ATXN10: variants seen among roughly 807,000 people sequenced by gnomAD.
The protein encoded by ATXN10 is ataxin 10.
In ATXN10, 28 loss-of-function variants were observed where a neutral mutation model predicts 52.9. The observed-to-expected ratio is 0.53, with a 90% CI of 0.39 to 0.73. The LOEUF (loss-of-function observed/expected upper bound fraction) is 0.73. ATXN10 is among the 30% of genes least tolerant of loss of function. The probability of loss-of-function intolerance (pLI) is 0.00; values close to 1 mark genes in which losing one functional copy is unlikely to be tolerated. For synonymous variants in ATXN10, 226 were observed against 221.5 expected (o/e 1.02, Z -0.18); for missense variants, 565 against 577.0 (o/e 0.98, Z 0.21).
intron 9 of ATXN10, among the ~76,000 whole-genome samples, chr22:45,745,023 A>G (rs1925674085): frequency 6.6e-6 from 1 of 151,958 alleles, no homozygotes; most frequent in Admixed American, 6.6e-5. Flanking sequence ...TTTGTTCTCG[A>G]CTTGTGTAGT....
chr22:45,793,487 C>T (rs1927590425), intron 9 of ATXN10: 3 of 1,010,516 alleles, frequency 3.0e-6, no homozygotes, highest in Non-Finnish European at 3.8e-6. Flanking sequence ...ATAAATCTCT[C>T]ACTGCTCCTT....
intron 9 of ATXN10, among the ~76,000 whole-genome samples, chr22:45,796,064 A>G (rs1222866777): frequency 1.3e-5 from 2 of 152,244 alleles, no homozygotes; most frequent in East Asian, 3.8e-4. Context: ...CTTCTTTCAG[A>G]AAGTGACTAG....
At chr22:45,735,812 C>CTTTTTT (rs746222703) in intron 7 of ATXN10, among the ~76,000 whole-genome samples, 101 of 65,812 alleles carry the variant, frequency 1.5e-3, no homozygotes, top group Non-Finnish European at 2.0e-3. Flanking sequence ...ATTTGCTTGT[C>CTTTTTT]TTTTTTTTTT....
At chr22:45,709,858 A>G (rs923547611) in intron 5 of ATXN10, among the ~76,000 whole-genome samples, 3 of 152,162 alleles carry the variant, frequency 2.0e-5, no homozygotes, top group African/African-American at 7.2e-5. Flanking sequence ...TCCTTCAGTA[A>G]CTGGTACCAC....
Position 45,742,891 on chromosome 22 carries a change from G to A in ATXN10, c.1173+2353G>A, listed in dbSNP as rs543656418. On this transcript the variant is annotated intron_variant, in intron 9 of 11. Transcript: ENST00000252934. Reference sequence around the variant, plus strand: ...CAAAAGAAAGTTGATAGCGAATAAAGCACTTTACCTTTTTAATGACCAGGA... The same window carrying A: ...CAAAAGAAAGTTGATAGCGAATAAAACACTTTACCTTTTTAATGACCAGGA... 1.1e-4 allele frequency among the ~76,000 whole-genome samples: 16 copies of A among 152,300 alleles called. No homozygotes were observed. The South Asian group carries it at 3.3e-3, about 32-fold the overall frequency.
intron 9 of ATXN10, among the ~76,000 whole-genome samples, chr22:45,779,901 A>G (rs1927086883): frequency 6.6e-6 from 1 of 152,210 alleles, no homozygotes; most frequent in South Asian, 2.1e-4. Context: ...AGGAATTAAT[A>G]ATGTGTTTCT....
chr22:45,746,759 C>T (rs1457646952), intron 9 of ATXN10, among the ~76,000 whole-genome samples: 1 of 152,184 alleles, frequency 6.6e-6, no homozygotes, highest in Non-Finnish European at 1.5e-5. Context: ...CTCTTCTACG[C>T]TCCTCACTAT....
intron 9 of ATXN10, among the ~76,000 whole-genome samples, chr22:45,788,220 A>G (rs138580663): frequency 9.8e-4 from 149 of 152,240 alleles, no homozygotes; most frequent in African/African-American, 3.4e-3. Flanking sequence ...TAAGAGATGG[A>G]TAATATATAA....
intron 10 of ATXN10, among the ~76,000 whole-genome samples, chr22:45,839,442 C>T (rs978419594): frequency 2.6e-5 from 4 of 152,204 alleles, no homozygotes; most frequent in Non-Finnish European, 5.9e-5. Flanking sequence ...GAGCAGGACC[C>T]ATCACCCCAG....
intron 6 of ATXN10, among the ~76,000 whole-genome samples, chr22:45,719,013 A>T (rs1924551386): frequency 6.7e-6 from 1 of 150,030 alleles, no homozygotes. Context: ...ATAGTTCTTT[A>T]TGTGACCTTG....
intron 9 of ATXN10, among the ~76,000 whole-genome samples, chr22:45,802,659 G>C (rs1222408510): frequency 1.3e-5 from 2 of 152,126 alleles, no homozygotes; most frequent in African/African-American, 4.8e-5. Flanking sequence ...ATTTATCCAG[G>C]AACGCATACC....
At chr22:45,698,799 GGATTCAACAGT>G (rs1923720308) in intron 3 of ATXN10, among the ~76,000 whole-genome samples, 1 of 152,144 alleles carries the variant, frequency 6.6e-6, no homozygotes, top group Non-Finnish European at 1.5e-5. Flanking sequence ...AATGAAATTT[GGATTCAACAGT>G]GAAACTTAGA....
At chr22:45,753,575 C>T (rs140078604) in intron 9 of ATXN10, among the ~76,000 whole-genome samples, 13,846 of 151,252 alleles carry the variant, frequency 0.092, 814 homozygotes, top group Middle Eastern at 0.16. Flanking sequence ...CCAGCTAATT[C>T]TTTGTATTTT....
chr22:45,837,615 G>A lies in ATXN10; in HGVS notation c.1238-5376G>A, dbSNP rs117040769. ...ATTAGTGCTTCCCATGTTCTAGGCC[G>A]GAAGTTGGCACACCTTTTCTGTGAA... On this transcript the variant is annotated intron_variant, in intron 10 of 11. Transcript: ENST00000252934. The surrounding 1 kb of genome is among the most constrained non-coding windows in gnomAD (Gnocchi z 5.8). Among the ~76,000 whole-genome samples the A allele has an allele frequency of 4.2e-3, 639 of 152,292 alleles. 2 individuals carry two copies. The highest frequency in any genetic ancestry group is 7.0e-3 in the Non-Finnish European group (477 of 68,026).
At chr22:45,765,739 C>T (rs900320834) in intron 9 of ATXN10, among the ~76,000 whole-genome samples, 3 of 152,144 alleles carry the variant, frequency 2.0e-5, no homozygotes, top group Non-Finnish European at 4.4e-5. Context: ...TGGAAGCAGC[C>T]TACCTGAAAA....
intron 9 of ATXN10, among the ~76,000 whole-genome samples, chr22:45,798,816 T>C (rs542929418): frequency 6.6e-6 from 1 of 152,262 alleles, no homozygotes; most frequent in South Asian, 2.1e-4. Context: ...GATATGTAAA[T>C]GAAAATTAAT....
In ATXN10 at chr22:45,780,244, C is replaced by T. The variant is rs528746567; in HGVS notation, c.1174-26715C>T. Among the ~76,000 whole-genome samples, 1 of 152,276 alleles carries T rather than the reference C, an allele frequency of 6.6e-6. No homozygotes were observed. The highest frequency in any genetic ancestry group is 2.1e-4 in the South Asian group (1 of 4,820). The stretch of plus-strand genomic sequence containing the variant: ...GATTACAGGCGTGTGCCACCACGCC[C>T]AGCTAATTTTTGTATTTTTAGTAGA... On this transcript the variant is annotated intron_variant, in intron 9 of 11. Coordinates refer to ENST00000252934, the MANE Select transcript of ATXN10 (RefSeq NM_013236.4). This position sits in a 1 kb window ranked among gnomAD's most constrained non-coding sequence, Gnocchi z 4.0.
rs775320993 is a variant in ATXN10 at position 45,689,673 on chromosome 22, CTT to C, written c.117-32_117-31del. The C allele has an allele frequency of 4.4e-6, 7 of 1,576,872 alleles. No individual in the cohort carries two copies. The South Asian group carries it at 7.8e-5, about 17-fold the overall frequency. On this transcript the variant is annotated intron_variant, in intron 1 of 11. Transcript: ENST00000252934. ...GAATAGGACATTTGGAAATCATAAT[CTT>C]TTTTTTCTGATTCGTGATAATTTTA...
intron 10 of ATXN10, among the ~76,000 whole-genome samples, chr22:45,827,559 G>T (rs1928856209): frequency 2.0e-5 from 3 of 151,994 alleles, no homozygotes; most frequent in African/African-American, 7.2e-5. Flanking sequence ...AGACAAAGAA[G>T]AACATAATAT....
Sources: gnomAD v4.1 joint callset for allele counts (sites outside exome capture counted in the v4.1 genomes callset) on GRCh38, gnomAD v4.1.1 for gene constraint, Gnocchi (gnomAD v3.1) non-coding constraint, MANE v1.5 for transcripts, NCBI Gene and HGNC (gene_info 2026-07-23, HGNC 2026-07-21) for gene names.